The following HNRNPR variants were observed in gnomAD, a reference collection of about 807,000 sequenced individuals.
HNRNPR encodes heterogeneous nuclear ribonucleoprotein R.
A neutral mutation model predicts 70.3 loss-of-function variants in HNRNPR; 4 were observed. The ratio of observed to expected loss-of-function variants is 0.06; its 90% CI spans 0.03 to 0.13. HNRNPR has a LOEUF of 0.13. Among genes scored for constraint, HNRNPR ranks in the 10% least tolerant of loss-of-function variants. The probability of loss-of-function intolerance (pLI) is 1.00; values close to 1 mark genes in which losing one functional copy is unlikely to be tolerated. For synonymous variants in HNRNPR, 241 were observed against 267.6 expected, an observed-to-expected ratio of 0.90 and a Z score of 0.97; for missense variants, 423 against 788.5, an observed-to-expected ratio of 0.54 and a Z score of 5.55.
In HNRNPR at chr1:23,310,959, C is replaced by A; in HGVS notation, c.1397G>T (p.Gly466Val). The change falls in exon 11 of 11, where the codon GGC becomes GTC. Residue 466 changes from glycine (G) to valine (V), a missense_variant. Transcript: ENST00000302271. The surrounding 1 kb of genome is among the most constrained non-coding windows in gnomAD (Gnocchi z 6.0). Reference protein sequence around the residue: ...GGYGYPPDYYGYEDYYDDYYG... With the variant: ...GGYGYPPDYYVYEDYYDDYYG... Reference sequence around the variant, plus strand: ...GTAATCATCATAGTAATCTTCATAGCCGTAGTAATCTGGAGGGTAGCCATA... The same window carrying A: ...GTAATCATCATAGTAATCTTCATAGACGTAGTAATCTGGAGGGTAGCCATA... The A allele has an allele frequency of 6.2e-7, 1 of 1,614,130 alleles. No homozygotes were observed. The highest frequency in any genetic ancestry group is 8.5e-7 in the Non-Finnish European group (1 of 1,180,016).
chr1:23,314,637 A>G (rs1041617688), intron 8 of HNRNPR, among the ~76,000 whole-genome samples: 1 of 152,224 alleles, frequency 6.6e-6, no homozygotes, highest in Non-Finnish European at 1.5e-5. Context: ...TTAATCATTA[A>G]TGGCACTGAG....
chr1:23,312,113 C>T (rs1645359454), intron 9 of HNRNPR, among the ~76,000 whole-genome samples: 1 of 152,134 alleles, frequency 6.6e-6, no homozygotes, highest in Admixed American at 6.5e-5. Flanking sequence ...TACCTTTCCC[C>T]ACTCTGGGCA....
intron 5 of HNRNPR, among the ~76,000 whole-genome samples, chr1:23,327,760 G>C (rs1348117259): frequency 1.3e-5 from 2 of 151,674 alleles, no homozygotes; most frequent in Non-Finnish European, 2.9e-5. Context: ...TTAAGAAGAA[G>C]GAAAAAACAG....
chr1:23,343,411 CCA>C (rs1646778308), intron 1 of HNRNPR, among the ~76,000 whole-genome samples: 2 of 152,264 alleles, frequency 1.3e-5, no homozygotes, highest in South Asian at 4.1e-4. Flanking sequence ...ATCAATTCAG[CCA>C]CTTGAGGACT....
rs1570135653 is a variant in HNRNPR, at chr1:23,340,749, G to C, written c.157+103C>G. The C allele has an allele frequency of 4.2e-6, 4 of 949,694 alleles. No homozygotes were observed. In the East Asian group the frequency reaches 1.0e-4, roughly 24 times the overall value. 58.8% of individuals were successfully genotyped at this position (949,694 alleles called of 1,614,324 possible). ...AAAGTAACAAACATTCAGCTCTACA[G>C]ATCAGAAACAATAAGTATTATTTAA... On this transcript the variant is annotated intron_variant, in intron 2 of 10. Coordinates refer to ENST00000302271, the MANE Select transcript of HNRNPR (RefSeq NM_005826.5).
At chr1:23,313,182 C>T (rs1645401251) in intron 9 of HNRNPR, among the ~76,000 whole-genome samples, 1 of 152,222 alleles carries the variant, frequency 6.6e-6, no homozygotes, top group African/African-American at 2.4e-5. Context: ...TCATGTACAC[C>T]ACTCAGTTTC....
intron 1 of HNRNPR, among the ~76,000 whole-genome samples, chr1:23,343,045 T>C (rs757618412): frequency 2.6e-5 from 4 of 152,156 alleles, no homozygotes; most frequent in Non-Finnish European, 5.9e-5. Context: ...TACAAAATGC[T>C]CATTTTGAAA....
rs564048806 is a variant in HNRNPR, at chr1:23,306,070, A to T, written c.*4384T>A. 2.6e-4 allele frequency: 40 copies of T among 152,320 alleles called. No homozygotes were observed. The highest frequency in any genetic ancestry group is 9.4e-4 in the African/African-American group (39 of 41,572). 9.4% of individuals were successfully genotyped at this position (152,320 alleles called of 1,614,324 possible). Reference sequence around the variant, plus strand: ...TGCATTATATGTTAATCTATCCAACAAAATATAGAAAATATAATACTAGAC... The same window carrying T: ...TGCATTATATGTTAATCTATCCAACTAAATATAGAAAATATAATACTAGAC... On this transcript the variant is annotated 3_prime_UTR_variant, in exon 11 of 11. Transcript: ENST00000302271.
At position 23,306,523 on chromosome 1, in the gene HNRNPR, AG is replaced by A. The variant is rs1368544978; in HGVS notation, c.*3930del. ...GCTTCCCTGATAGTCAGGTGATAAA[AG>A]GAAGGAGTTAAAACAGGAAAAGTAC... is the stretch of plus-strand genomic sequence containing the variant. On this transcript the variant is annotated 3_prime_UTR_variant, in exon 11 of 11. Coordinates refer to ENST00000302271, the MANE Select transcript of HNRNPR (RefSeq NM_005826.5). 6.6e-6 allele frequency: 1 copy of A among 152,176 alleles called. No individual in the cohort carries two copies. The highest frequency in any genetic ancestry group is 1.5e-5 in the Non-Finnish European group (1 of 68,034). The allele number at this position is 152,176 out of a possible 1,614,324, so 9.4% of individuals were successfully genotyped here.
chr1:23,321,797 C>A, intron 6 of HNRNPR, 134 bp from the exon 7 acceptor site: 1 of 778,012 alleles, frequency 1.3e-6, no homozygotes. Context: ...TCATGCTTTC[C>A]ATAATATGAA....
rs553199670 is a variant in HNRNPR at position 23,339,634 on chromosome 1, C to T, written c.158-1026G>A. Among the ~76,000 whole-genome samples, 50 of 152,182 alleles carry T rather than the reference C, an allele frequency of 3.3e-4. 2 individuals carry two copies. The South Asian group carries it at 7.9e-3, about 24-fold the overall frequency. Reference sequence around the variant, plus strand: ...TGATAAAGCTAAAAAGAACTTTATTCCATATAGTAAATTTTAAATAAATGT... The same window carrying T: ...TGATAAAGCTAAAAAGAACTTTATTTCATATAGTAAATTTTAAATAAATGT... On this transcript the variant is annotated intron_variant, in intron 2 of 10. Transcript: ENST00000302271.
intron 10 of HNRNPR, 25 bp from the exon 11 acceptor site, chr1:23,311,091 A>T (rs757859098): frequency 6.2e-7 from 1 of 1,609,384 alleles, no homozygotes; most frequent in Admixed American, 1.7e-5. Context: ...AAGGGAGAAA[A>T]GAAAAAACAA....
At chr1:23,324,123 G>A (rs1330601547) in intron 5 of HNRNPR, among the ~76,000 whole-genome samples, 1 of 149,366 alleles carries the variant, frequency 6.7e-6, no homozygotes, top group African/African-American at 2.5e-5. Flanking sequence ...AACTAGCCTA[G>A]GCAACATGGC....
At chr1:23,321,068 C>T (rs904719998) in intron 7 of HNRNPR, among the ~76,000 whole-genome samples, 26 of 147,892 alleles carry the variant, frequency 1.8e-4, no homozygotes, top group Admixed American at 1.2e-3. Flanking sequence ...GAGGCTGAGG[C>T]AGGAGAATTG....
intron 7 of HNRNPR, among the ~76,000 whole-genome samples, chr1:23,321,197 C>G (rs546583886): frequency 7.2e-6 from 1 of 139,198 alleles, no homozygotes; most frequent in African/African-American, 2.9e-5. Context: ...GACAAGGCAG[C>G]AGGGAGAGAG....
chr1:23,324,532 C>T (rs370224380), intron 5 of HNRNPR, among the ~76,000 whole-genome samples: 2 of 152,162 alleles, frequency 1.3e-5, no homozygotes, highest in East Asian at 1.9e-4. Flanking sequence ...CGTGCCACTG[C>T]ACTCCAGCCT....
At position 23,340,786 on chromosome 1, in the gene HNRNPR, T is replaced by C. The variant is rs1394240362; in HGVS notation, c.157+66A>G. On this transcript the variant is annotated intron_variant, in intron 2 of 10. Transcript: ENST00000302271. ...TAAGTATTATTTAACCTTAAAAAAC[T>C]ATAAAATTCAAAGTGGTTTGCCCTC... 3.9e-6 allele frequency: 5 copies of C among 1,289,234 alleles called. No individual in the cohort carries two copies. In the African/African-American group the frequency reaches 4.5e-5, roughly 12 times the overall value. 79.9% of individuals were successfully genotyped at this position (1,289,234 alleles called of 1,614,324 possible). A position where few individuals can be genotyped will look rare whatever the true frequency, so the allele number is the denominator to read the frequency against.
chr1:23,334,924 T>G (rs1234446360), intron 4 of HNRNPR, among the ~76,000 whole-genome samples: 2 of 142,688 alleles, frequency 1.4e-5, no homozygotes, highest in Admixed American at 1.4e-4. Context: ...GTTTTTTTGG[T>G]TTTTTTTTTT....
At chr1:23,334,485 C>G (rs985960555) in intron 4 of HNRNPR, among the ~76,000 whole-genome samples, 1 of 152,244 alleles carries the variant, frequency 6.6e-6, no homozygotes, top group African/African-American at 2.4e-5. Flanking sequence ...ATCCACCCGA[C>G]TTGGCCTCCC....
Sources: gnomAD v4.1 joint callset for allele counts (sites outside exome capture counted in the v4.1 genomes callset) on GRCh38, gnomAD v4.1.1 for gene constraint, Gnocchi (gnomAD v3.1) non-coding constraint, MANE v1.5 for transcripts, NCBI Gene and HGNC (gene_info 2026-07-23, HGNC 2026-07-21) for gene names.